The following RGS6 variants were observed in gnomAD, a reference collection of about 807,000 sequenced individuals.
RGS6 encodes the protein regulator of G protein signaling 6.
In RGS6, 30 loss-of-function variants were observed where a neutral mutation model predicts 78.5. That is an observed-to-expected ratio of 0.38 (90% CI 0.29 to 0.52). The LOEUF (loss-of-function observed/expected upper bound fraction) is 0.52, where lower values mean the gene tolerates loss of function less well. Among genes scored for constraint, RGS6 ranks in the 20% least tolerant of loss-of-function variants. The pLI, the probability that RGS6 is intolerant of heterozygous loss-of-function variation, is 0.85. For synonymous variants in RGS6, 206 were observed against 206.0 expected (o/e 1.00, Z 0.00); for missense variants, 495 against 609.7 (o/e 0.81, Z 1.98).
At chr14:72,467,552 C>T (rs987872966) in intron 7 of RGS6, among the ~76,000 whole-genome samples, 17 of 152,126 alleles carry the variant, frequency 1.1e-4, no homozygotes, top group South Asian at 4.2e-4. Flanking sequence ...AGTGTGAATG[C>T]GCATGCCATT....
intron 7 of RGS6, among the ~76,000 whole-genome samples, chr14:72,468,239 C>G (rs1330947627): frequency 2.0e-5 from 3 of 152,218 alleles, no homozygotes; most frequent in South Asian, 4.1e-4. Context: ...ATTAGCCAGG[C>G]CTAGTGGCAC....
At chr14:72,104,268 T>G (rs1461673309) in intron 2 of RGS6, among the ~76,000 whole-genome samples, 2 of 152,230 alleles carry the variant, frequency 1.3e-5, no homozygotes. Context: ...CTTTCCTCTC[T>G]GTCAAAACGA....
At chr14:72,566,545 G>A (rs1338231529), downstream of RGS6, 1 of 151,526 alleles carries the variant, frequency 6.6e-6, no homozygotes, top group African/African-American at 2.4e-5. Context: ...ACTCTGTGTG[G>A]CTCCTTGGTT....
At chr14:72,465,065 A>T (rs1371835236) in intron 6 of RGS6, among the ~76,000 whole-genome samples, 1 of 152,230 alleles carries the variant, frequency 6.6e-6, no homozygotes, top group Non-Finnish European at 1.5e-5. Flanking sequence ...GATAGAGGGA[A>T]GGAGAGAAGA....
intron 2 of RGS6, among the ~76,000 whole-genome samples, chr14:72,202,393 C>A (rs1452847791): frequency 2.0e-5 from 3 of 152,110 alleles, no homozygotes; most frequent in Non-Finnish European, 4.4e-5. Context: ...TCCTGCCCTC[C>A]AGATTCCCCT....
intron 2 of RGS6, among the ~76,000 whole-genome samples, chr14:72,129,607 G>T (rs1037912629): frequency 6.6e-6 from 1 of 152,124 alleles, no homozygotes; most frequent in Non-Finnish European, 1.5e-5. Context: ...TGAGGTTTCC[G>T]GTGGCTCCGC....
At chr14:72,328,715 G>C (rs779548404) in intron 2 of RGS6, among the ~76,000 whole-genome samples, 55 of 152,200 alleles carry the variant, frequency 3.6e-4, no homozygotes, top group Admixed American at 7.2e-4. Flanking sequence ...TGGAAGGCCT[G>C]AGAGCTGTTA....
intron 8 of RGS6, among the ~76,000 whole-genome samples, chr14:72,470,605 T>C (rs972508519): frequency 1.3e-5 from 2 of 152,004 alleles, no homozygotes; most frequent in African/African-American, 4.8e-5. Context: ...AGGCTGGGCA[T>C]GGTGGCTCAT....
At chr14:72,442,316 C>T (rs1389424862) in intron 3 of RGS6, among the ~76,000 whole-genome samples, 2 of 152,078 alleles carry the variant, frequency 1.3e-5, no homozygotes, top group Non-Finnish European at 2.9e-5. Flanking sequence ...TGGTGAGCTG[C>T]AGGCTGTTCT....
At chr14:72,023,212 GA>G (rs1167660327) in intron 2 of RGS6, among the ~76,000 whole-genome samples, 1 of 152,230 alleles carries the variant, frequency 6.6e-6, no homozygotes, top group African/African-American at 2.4e-5. Flanking sequence ...GGTCTTGGGA[GA>G]TGTACATATT....
At chr14:71,886,147 C>T in the RGS6 span, among the ~76,000 whole-genome samples, 3 of 152,148 alleles carry the variant, frequency 2.0e-5, no homozygotes, top group Non-Finnish European at 4.4e-5. Context: ...AATTTTTGGA[C>T]TGAAGTGATT....
chr14:71,976,766 G>A (rs912118242), intron 2 of RGS6, among the ~76,000 whole-genome samples: 14 of 151,110 alleles, frequency 9.3e-5, no homozygotes, highest in Non-Finnish European at 2.1e-4. Flanking sequence ...TAGTCCTTTG[G>A]GTATATACCC....
chr14:72,177,818 T>A (rs20838), intron 2 of RGS6, among the ~76,000 whole-genome samples: 30,542 of 152,134 alleles, frequency 0.2, 3,377 homozygotes, highest in East Asian at 0.35. Flanking sequence ...TCGCATGGAA[T>A]TTACTGAGAA....
the RGS6 span, among the ~76,000 whole-genome samples, chr14:71,899,595 C>A: frequency 6.6e-6 from 1 of 152,110 alleles, no homozygotes; most frequent in African/African-American, 2.4e-5. Context: ...TTCAAGTAAC[C>A]CAGGCCTAAA....
At chr14:72,301,439 G>T (rs554226644) in intron 2 of RGS6, among the ~76,000 whole-genome samples, 8 of 151,390 alleles carry the variant, frequency 5.3e-5, no homozygotes, top group Non-Finnish European at 1.0e-4. Context: ...TTTTTTAGTT[G>T]ATAGAGTCAT....
chr14:72,480,879 C>T (rs1459468926), intron 12 of RGS6, among the ~76,000 whole-genome samples: 1 of 152,180 alleles, frequency 6.6e-6, no homozygotes, highest in Non-Finnish European at 1.5e-5. Context: ...CATCATTTTT[C>T]ACCCAGTTCT....
intron 17 of RGS6, among the ~76,000 whole-genome samples, chr14:72,560,126 C>A (rs2097650821): frequency 6.6e-6 from 1 of 151,834 alleles, no homozygotes; most frequent in African/African-American, 2.4e-5. Context: ...TTCCCATCCA[C>A]CAGCTAAATG....
chr14:72,110,397 G>T (rs1274900818), intron 2 of RGS6, among the ~76,000 whole-genome samples: 1 of 152,164 alleles, frequency 6.6e-6, no homozygotes, highest in African/African-American at 2.4e-5. Flanking sequence ...GGGCACCATG[G>T]TCTGGGTGCC....
chr14:72,156,174 G>A (rs994042955), intron 2 of RGS6, among the ~76,000 whole-genome samples: 4 of 152,172 alleles, frequency 2.6e-5, no homozygotes, highest in Non-Finnish European at 1.5e-5. Context: ...CTGGCTGGGC[G>A]CAGTGGCTTA....
Sources: gnomAD v4.1 joint callset for allele counts (sites outside exome capture counted in the v4.1 genomes callset) on GRCh38, gnomAD v4.1.1 for gene constraint, MANE v1.5 for transcripts, NCBI Gene and HGNC (gene_info 2026-07-23, HGNC 2026-07-21) for gene names.